Variants in SPATA3 observed in about 807,000 individuals in gnomAD.
SPATA3 encodes spermatogenesis-associated protein 3.
Under a neutral mutation model 5.7 loss-of-function variants are expected in SPATA3, and 6 were observed. The ratio of observed to expected loss-of-function variants is 1.06; its 90% CI spans 0.58 to 2.09. The LOEUF (loss-of-function observed/expected upper bound fraction) is 2.09. Among genes scored for constraint, SPATA3 ranks in the 30% most tolerant of loss-of-function variants. The pLI, the probability that SPATA3 is intolerant of heterozygous loss-of-function variation, is 0.00. For missense variants in SPATA3, 155 were observed against 130.4 expected, an observed-to-expected ratio of 1.19 and a Z score of -0.92; for synonymous variants, 44 against 48.4, an observed-to-expected ratio of 0.91 and a Z score of 0.37.
chr2:231,011,216 G>A (rs1356683674), downstream of SPATA3, among the ~76,000 whole-genome samples: 1 of 152,094 alleles, frequency 6.6e-6, no homozygotes, highest in Non-Finnish European at 1.5e-5. Context: ...CCGGGTTCAA[G>A]CAATTCTCCT....
intron 5 of SPATA3, chr2:231,012,793 G>A (rs1692822265): frequency 6.6e-6 from 1 of 152,172 alleles, no homozygotes; most frequent in Non-Finnish European, 1.5e-5. Flanking sequence ...TGTTTCATAT[G>A]TATTTGGGGA....
downstream of SPATA3, among the ~76,000 whole-genome samples, chr2:231,011,208 G>T: frequency 1.3e-5 from 2 of 152,064 alleles, no homozygotes; most frequent in Middle Eastern, 6.8e-3. Flanking sequence ...TCCACCTCCC[G>T]GGTTCAAGCA....
chr2:231,014,329 G>A (rs1692872584), intron 6 of SPATA3: 1 of 152,182 alleles, frequency 6.6e-6, no homozygotes, highest in Admixed American at 6.5e-5. Flanking sequence ...ACTATTCTTA[G>A]CCTTAACATC....
chr2:231,003,801 C>T (rs62193669), downstream of SPATA3, among the ~76,000 whole-genome samples: 55,084 of 151,882 alleles, frequency 0.36, 10,151 homozygotes, highest in South Asian at 0.46. Context: ...TTGCAGTGGG[C>T]GTAATATATT....
intron 6 of SPATA3, among the ~76,000 whole-genome samples, chr2:231,019,122 A>G (rs1450107238): frequency 8.3e-6 from 1 of 120,912 alleles, no homozygotes; most frequent in Non-Finnish European, 1.7e-5. Flanking sequence ...GCCCGCCACA[A>G]CGCTTGGCTA....
intron 4 of SPATA3, among the ~76,000 whole-genome samples, chr2:231,012,343 T>C (rs1472083278): frequency 6.6e-6 from 1 of 152,140 alleles, no homozygotes; most frequent in East Asian, 1.9e-4. Context: ...GGATGAAGGG[T>C]CTGGGCTGAC....
chr2:231,001,603 C>T (rs1033153635), intron 2 of SPATA3, among the ~76,000 whole-genome samples: 3 of 152,216 alleles, frequency 2.0e-5, no homozygotes, highest in African/African-American at 7.2e-5. Context: ...CACCGTTAGC[C>T]ACACCCTGCC....
intron 1 of SPATA3, among the ~76,000 whole-genome samples, chr2:230,997,273 T>A (rs1194048627): frequency 6.6e-6 from 1 of 151,810 alleles, no homozygotes; most frequent in African/African-American, 2.4e-5. Flanking sequence ...AAAAAGGGAG[T>A]TTCCCTGCAC....
chr2:231,001,578 G>A (rs1021776315), intron 2 of SPATA3, among the ~76,000 whole-genome samples: 2 of 152,118 alleles, frequency 1.3e-5, no homozygotes, highest in African/African-American at 4.8e-5. Flanking sequence ...CTCCGTCAAG[G>A]AAAGGTCTGC....
chr2:231,017,274 C>A (rs923047315), intron 6 of SPATA3, among the ~76,000 whole-genome samples: 1 of 152,224 alleles, frequency 6.6e-6, no homozygotes, highest in South Asian at 2.1e-4. Context: ...ATCTGACATG[C>A]TCTTTTCTTT....
chr2:231,000,528 C>T (rs1366147836), exon 2 of SPATA3: 8 of 1,530,500 alleles, frequency 5.2e-6, no homozygotes, highest in Non-Finnish European at 7.0e-6. Context: ...AACCTGCTCA[C>T]CTTCTACAGG....
chr2:231,019,411 C>T (rs1376081272), intron 6 of SPATA3, among the ~76,000 whole-genome samples: 6 of 150,346 alleles, frequency 4.0e-5, no homozygotes, highest in African/African-American at 1.5e-4. Flanking sequence ...GCAAGCTCCG[C>T]CTCCCGGGTT....
At chr2:231,017,865 T>C (rs1692971286) in intron 6 of SPATA3, among the ~76,000 whole-genome samples, 1 of 152,078 alleles carries the variant, frequency 6.6e-6, no homozygotes, top group Non-Finnish European at 1.5e-5. Context: ...ATCTGCCTTA[T>C]CCAGATCTCT....
At chr2:231,019,101 C>T (rs1336182193) in intron 6 of SPATA3, among the ~76,000 whole-genome samples, 3 of 144,718 alleles carry the variant, frequency 2.1e-5, no homozygotes, top group African/African-American at 5.1e-5. Context: ...TGAGTAGCTG[C>T]GACTACAGGC....
chr2:231,004,787 C>A (rs1288293544), downstream of SPATA3, among the ~76,000 whole-genome samples: 2 of 152,038 alleles, frequency 1.3e-5, no homozygotes, highest in Non-Finnish European at 2.9e-5. Context: ...GTCTCATTTT[C>A]TTTTCGTTAA....
downstream of SPATA3, among the ~76,000 whole-genome samples, chr2:231,007,047 G>A (rs919593151): frequency 2.0e-5 from 3 of 152,150 alleles, no homozygotes; most frequent in Non-Finnish European, 4.4e-5. Flanking sequence ...GCTGAAAGAA[G>A]GAGTGGGTGC....
downstream of SPATA3, among the ~76,000 whole-genome samples, chr2:231,010,169 G>A (rs1050287755): frequency 6.6e-6 from 1 of 152,236 alleles, no homozygotes; most frequent in African/African-American, 2.4e-5. Flanking sequence ...CTCATATGAG[G>A]CAAATTGATT....
chr2:231,003,248 C>T (rs1319370170), downstream of SPATA3, among the ~76,000 whole-genome samples: 2 of 152,236 alleles, frequency 1.3e-5, no homozygotes, highest in East Asian at 1.9e-4. Context: ...TCCATCTTCT[C>T]AACCCCTGTC....
downstream of SPATA3, among the ~76,000 whole-genome samples, chr2:231,011,958 G>A (rs754774985): frequency 1.3e-5 from 2 of 152,210 alleles, no homozygotes; most frequent in African/African-American, 4.8e-5. Context: ...ACAGGGGGTC[G>A]AAGCAGAGAT....
Sources: allele counts gnomAD v4.1 joint callset (sites outside exome capture counted in the v4.1 genomes callset), GRCh38; gene constraint gnomAD v4.1.1; transcripts MANE v1.5; gene names NCBI Gene and HGNC (gene_info 2026-07-23, HGNC 2026-07-21).